The following RIF1 variants were observed in gnomAD, a reference collection of about 807,000 sequenced individuals.
The protein encoded by RIF1 is telomere-associated protein RIF1.
Under a neutral mutation model 247.1 loss-of-function variants are expected in RIF1, and 45 were observed. The ratio of observed to expected loss-of-function variants is 0.18; its 90% CI spans 0.14 to 0.23. The LOEUF (loss-of-function observed/expected upper bound fraction) is 0.23. RIF1 is among the 10% of genes least tolerant of loss of function. RIF1 has a pLI of 1.00. For synonymous variants in RIF1, 1,087 were observed against 978.8 expected (o/e 1.11, Z -2.06); for missense variants, 2,967 against 2,862.5 (o/e 1.04, Z -0.83).
Position 151,463,229 on chromosome 2 carries a change from C to T in RIF1, c.3709C>T (p.Pro1237Ser), listed in dbSNP as rs531936776. The T allele has an allele frequency of 6.2e-7, 1 of 1,613,898 alleles. No individual in the cohort carries two copies. The highest frequency in any genetic ancestry group is 2.2e-5 in the East Asian group (1 of 44,874). The change falls in exon 30 of 36, where the codon CCA (proline) becomes TCA (serine). Residue 1237 changes from proline (P) to serine (S), a missense_variant. This residue lies in a region of RIF1 where 2,028 missense variants were observed against 1,825.6 expected (regional missense o/e 1.11). Coordinates refer to ENST00000444746, the MANE Select transcript of RIF1 (RefSeq NM_018151.5). ...TGGTTCAGAAAATAGACCTTTTAGT[C>T]CATCCCCCTTGAATAATATTTCATC... The part of the protein sequence containing the change: ...FDGSENRPFS[P>S]SPLNNISSTV...
intron 11 of RIF1, chr2:151,502,757 A>G (rs1214862192): frequency 8.9e-7 from 1 of 1,120,496 alleles, no homozygotes; most frequent in Non-Finnish European, 1.4e-6. Flanking sequence ...AAATAAAATT[A>G]AGGGATTTTT....
At chr2:151,432,125 T>TA (rs1005146718) in intron 9 of RIF1, among the ~76,000 whole-genome samples, 2 of 152,176 alleles carry the variant, frequency 1.3e-5, no homozygotes, top group Admixed American at 1.3e-4. Flanking sequence ...TCTCCTGCCT[T>TA]AGGCTCCTGA....
At position 151,468,636 on chromosome 2, in the gene RIF1, C is replaced by G; in HGVS notation, c.6826-5C>G. On this transcript the variant is annotated splice_region_variant and splice_polypyrimidine_tract_variant and intron_variant, in intron 32 of 35. Transcript: ENST00000444746. ...TGTGTAACAGCTTCTGAAATTTATTCTAAGATTTCAGAAATGGCCAAAGAA... is the reference window on the plus strand; with the variant it reads ...TGTGTAACAGCTTCTGAAATTTATTGTAAGATTTCAGAAATGGCCAAAGAA... 3 of 1,610,602 alleles carry G rather than the reference C, an allele frequency of 1.9e-6. No homozygotes were observed. In the African/African-American group the frequency reaches 4.0e-5, roughly 21 times the overall value.
chr2:151,494,281 C>A (rs1172693025), intron 9 of RIF1: 10 of 1,466,138 alleles, frequency 6.8e-6, no homozygotes, highest in Admixed American at 2.1e-5. Flanking sequence ...GTCCAAAAAG[C>A]CAAAAAGAAA....
At chr2:151,421,453 T>C (rs1175951940) in intron 7 of RIF1, among the ~76,000 whole-genome samples, 1 of 152,178 alleles carries the variant, frequency 6.6e-6, no homozygotes, top group African/African-American at 2.4e-5. Flanking sequence ...CTGGGCAGTA[T>C]GACAGTAGTG....
rs762204574 is a variant in RIF1, at chr2:151,416,856, C to T, written c.458C>T (p.Thr153Met). ...GAAATACTGTTTAACAAAGGAGAGACGCATTCTGCTGTTGTTGATTTTGAA... is the reference window on the plus strand; with the variant it reads ...GAAATACTGTTTAACAAAGGAGAGATGCATTCTGCTGTTGTTGATTTTGAA... ...SLEILFNKGETHSAVVDFEAL... is the reference protein window; with the variant it reads ...SLEILFNKGEMHSAVVDFEAL... The change falls in exon 6 of 36, where the codon ACG becomes ATG. Residue 153 changes from threonine (T) to methionine (M), a missense_variant. This residue lies in a region of RIF1 where 269 missense variants were observed against 288.6 expected (regional missense o/e 0.93). Coordinates refer to ENST00000444746, the MANE Select transcript of RIF1 (RefSeq NM_018151.5). The T allele has an allele frequency of 9.3e-6, 15 of 1,612,748 alleles. No homozygotes were observed. Among genetic ancestry groups the T allele is most frequent in the East Asian group, 6.7e-5 (3 of 44,792 alleles).
rs772174349 is a variant in RIF1 at position 151,428,810 on chromosome 2, C to A, written c.813C>A (p.Ile271=). 3 of 1,603,130 alleles carry A rather than the reference C, an allele frequency of 1.9e-6. No homozygotes were observed. Among genetic ancestry groups the A allele is most frequent in the Non-Finnish European group, 2.6e-6 (3 of 1,170,466 alleles). ...CCTTGCATCGAAGTGGGAGTTTCAT[C>A]AATTCTCTCTTGCAACTAGAAGAAC... The part of the protein sequence containing the change: ...GRTLHRSGSF[I]NSLLQLEELG... The change falls in exon 9 of 36, where the codon ATC becomes ATA. Residue 271 remains isoleucine, a synonymous_variant. Transcript: ENST00000444746.
chr2:151,468,791 A>G, intron 33 of RIF1, 35 bp downstream of exon 33: 1 of 1,402,544 alleles, frequency 7.1e-7, no homozygotes, highest in Non-Finnish European at 1.0e-6. Flanking sequence ...CTTATATTCC[A>G]AGATGCCACT....
chr2:151,469,718 G>A lies in RIF1; in HGVS notation c.6949G>A (p.Gly2317Ser). 6.3e-7 allele frequency: 1 copy of A among 1,574,988 alleles called. No individual in the cohort carries two copies. Among genetic ancestry groups the A allele is most frequent in the Non-Finnish European group, 8.6e-7 (1 of 1,163,636 alleles). The change falls in exon 34 of 36, where the codon GGC (glycine) becomes AGC (serine). Residue 2317 changes from glycine (G) to serine (S), a missense_variant. Gly to Ser is a moderately conservative substitution (Grantham distance 56). Transcript: ENST00000444746. ...TGTTTCTGTTTTGTTTAGGGCAAGA[G>A]GCCTGGGACAACTCATTAGAGCTAA... Reference protein sequence around the residue: ...PQITSNMWARGLGQLIRAKNI... With the variant: ...PQITSNMWARSLGQLIRAKNI...
At chr2:151,515,008 A>G in the RIF1 span, 1 of 897,390 alleles carries the variant, frequency 1.1e-6, no homozygotes, top group African/African-American at 1.7e-5. Flanking sequence ...AAGAAAAAAA[A>G]AACAGCATTT....
rs2061223578 is a variant in RIF1 at position 151,497,718 on chromosome 2, C to T, written c.*514-1627C>T. 6.4e-7 allele frequency: 1 copy of T among 1,572,722 alleles called. No individual in the cohort carries two copies. The highest frequency in any genetic ancestry group is 1.2e-5 in the South Asian group (1 of 85,614). ...TTGCCCATGTTTTCTTTGTATAACA[C>T]CTGTGCGATAAGAAAGCATCCAGAA... On this transcript the variant is annotated intron_variant and NMD_transcript_variant, in intron 10 of 13. Coordinates refer to the RIF1 transcript ENST00000454583.
the RIF1 span, chr2:151,533,560 G>C: frequency 1.3e-6 from 2 of 1,501,948 alleles, no homozygotes; most frequent in Non-Finnish European, 9.1e-7. Context: ...TCCATGCAAA[G>C]AGCAGTGAAG....
downstream of RIF1, chr2:151,508,199 G>A (rs1267164381): frequency 2.6e-6 from 2 of 778,980 alleles, no homozygotes; most frequent in Non-Finnish European, 4.1e-6. Context: ...GCCCTTCCAG[G>A]CTCAGCAGAG....
Position 151,410,522 on chromosome 2 carries a change from G to T in RIF1, c.99G>T (p.Leu33=), listed in dbSNP as rs145788364. Residue 33 remains leucine (L), a synonymous_variant, in exon 2 of 36, where the codon CTG becomes CTT. Transcript: ENST00000444746. ...GGCAGACTGACGCTTACCTGACTCTGACCAGGTGAGGTCCGCCACGGGGCG... is the reference window on the plus strand; with the variant it reads ...GGCAGACTGACGCTTACCTGACTCTTACCAGGTGAGGTCCGCCACGGGGCG... ...HGGQTDAYLT[L]TSRMTGEEGK... The T allele has an allele frequency of 1.2e-6, 2 of 1,612,530 alleles. No individual in the cohort carries two copies. Among genetic ancestry groups the T allele is most frequent in the African/African-American group, 2.7e-5 (2 of 74,930 alleles).
At chr2:151,420,131 G>A in intron 6 of RIF1, 59 bp from the exon 7 acceptor site, 1 of 1,463,756 alleles carries the variant, frequency 6.8e-7, no homozygotes, top group South Asian at 1.3e-5. Context: ...CTATTTTACT[G>A]CTTGTTTAGA....
chr2:151,416,961 A>G, intron 6 of RIF1, 60 bp downstream of exon 6: 2 of 1,338,278 alleles, frequency 1.5e-6, no homozygotes, highest in Non-Finnish European at 2.1e-6. Context: ...GCTGAAGGAG[A>G]GGGTTTTTGG....
At position 151,480,720 on chromosome 2, in the gene RIF1, A is replaced by T. The variant is rs563507916; in HGVS notation, c.*5649A>T. 2.6e-5 allele frequency: 4 copies of T among 152,330 alleles called. No individual in the cohort carries two copies. In the South Asian group the frequency reaches 8.3e-4, roughly 32 times the overall value. 9.4% of individuals were successfully genotyped at this position (152,330 alleles called of 1,614,324 possible). Reference sequence around the variant, plus strand: ...AACTGAAAATAGAGTATAGTCTAACAATTATTTTGATACACTATTGAATAG... The same window carrying T: ...AACTGAAAATAGAGTATAGTCTAACTATTATTTTGATACACTATTGAATAG... On this transcript the variant is annotated 3_prime_UTR_variant, in exon 36 of 36. Transcript: ENST00000444746.
intron 20 of RIF1, among the ~76,000 whole-genome samples, chr2:151,448,379 A>G (rs1693691841): frequency 1.3e-5 from 2 of 152,174 alleles, no homozygotes; most frequent in African/African-American, 4.8e-5. Context: ...GATTACAAAC[A>G]ACAAAGCAAA....
the RIF1 span, chr2:151,531,897 C>T: frequency 6.5e-7 from 1 of 1,537,654 alleles, no homozygotes; most frequent in Non-Finnish European, 8.8e-7. Flanking sequence ...TGTATTTGAT[C>T]TAAATTGTGG....
Sources: gnomAD v4.1 joint callset for allele counts (sites outside exome capture counted in the v4.1 genomes callset) on GRCh38, gnomAD v4.1.1 for gene constraint, gnomAD v4.1.1 regional missense constraint, MANE v1.5 for transcripts, NCBI Gene and HGNC (gene_info 2026-07-23, HGNC 2026-07-21) for gene names.